The following COLQ variants were observed in gnomAD, a reference collection of about 807,000 sequenced individuals.
COLQ encodes the protein collagen like tail subunit of asymmetric acetylcholinesterase.
A neutral mutation model predicts 69.0 loss-of-function variants in COLQ; 48 were observed. That is an observed-to-expected ratio of 0.70 (90% confidence interval 0.55 to 0.88). COLQ has a LOEUF of 0.88. Among genes scored for constraint, COLQ ranks in the 40% least tolerant of loss-of-function variants. The pLI is 0.00. For missense variants in COLQ, 618 were observed against 594.6 expected, an observed-to-expected ratio of 1.04 and a Z score of -0.41; for synonymous variants, 217 against 211.2, an observed-to-expected ratio of 1.03 and a Z score of -0.24.
Position 15,489,602 on chromosome 3 carries a change from G to A in COLQ, c.142C>T (p.His48Tyr), listed in dbSNP as rs769136046. 5 of 1,614,170 alleles carry A rather than the reference G, an allele frequency of 3.1e-6. No homozygotes were observed. Among genetic ancestry groups the A allele is most frequent in the Non-Finnish European group, 4.2e-6 (5 of 1,180,018 alleles). Residue 48 changes from histidine (H) to tyrosine (Y), a missense_variant, in exon 2 of 17, where the codon CAC becomes TAC. Physicochemically the swap from His to Tyr is moderately conservative, Grantham distance 83. Transcript: ENST00000383788. ...GGCGTCAGCAGGCAGCATGCTTTGT[G>A]GCCACCACGCTTCTTCTGATCCAGG... ...PSLDQKKRGGHKACCLLTPPP... is the reference protein window; with the variant it reads ...PSLDQKKRGGYKACCLLTPPP...
At chr3:15,512,560 C>T (rs986373078) in intron 1 of COLQ, among the ~76,000 whole-genome samples, 2 of 152,198 alleles carry the variant, frequency 1.3e-5, no homozygotes, top group Non-Finnish European at 2.9e-5. Context: ...AGCTGAGTCT[C>T]TTCTTTTTTG....
intron 13 of COLQ, among the ~76,000 whole-genome samples, chr3:15,456,967 T>C (rs2062035535): frequency 2.6e-5 from 4 of 151,798 alleles, no homozygotes; most frequent in Admixed American, 2.6e-4. Flanking sequence ...GGATTACAGG[T>C]GTGCACCACA....
chr3:15,521,230 C>G (rs1462656454), intron 1 of COLQ, among the ~76,000 whole-genome samples: 1 of 152,192 alleles, frequency 6.6e-6, no homozygotes, highest in Non-Finnish European at 1.5e-5. Flanking sequence ...TCCCAAATTC[C>G]TGACCAAGAT....
At chr3:15,517,596 G>A (rs1479351842) in intron 1 of COLQ, among the ~76,000 whole-genome samples, 1 of 152,114 alleles carries the variant, frequency 6.6e-6, no homozygotes, top group African/African-American at 2.4e-5. Context: ...CCAAACCCAA[G>A]CTAGATTAGC....
Position 15,477,207 on chromosome 3 carries a change from C to A in COLQ, c.394-10G>T. On this transcript the variant is annotated splice_polypyrimidine_tract_variant and intron_variant, in intron 5 of 16. Transcript: ENST00000383788. ...GGGGGCCAGGTCTACCCTTCAAAGA[C>A]CAAGAACAAAAGTCAGGGCAACTGG... 1.9e-6 allele frequency: 3 copies of A among 1,603,486 alleles called. No individual in the cohort carries two copies. Among genetic ancestry groups the A allele is most frequent in the Non-Finnish European group, 2.6e-6 (3 of 1,175,306 alleles).
intron 5 of COLQ, chr3:15,478,744 G>GC (rs1216303672): frequency 3.3e-6 from 2 of 614,426 alleles, no homozygotes; most frequent in African/African-American, 3.7e-5. Flanking sequence ...AGGCTTGGCA[G>GC]CCCCCGGAAG....
intron 11 of COLQ, 102 bp from the exon 12 acceptor site, chr3:15,466,539 G>C (rs934745125): frequency 1.1e-6 from 1 of 946,502 alleles, no homozygotes; most frequent in African/African-American, 1.6e-5. Context: ...TAAGGAGCAA[G>C]AGCCCAGTGG....
intron 12 of COLQ, among the ~76,000 whole-genome samples, chr3:15,463,503 C>T (rs577023597): frequency 2.0e-5 from 3 of 152,106 alleles, no homozygotes; most frequent in South Asian, 2.1e-4. Context: ...CCCGCCACTA[C>T]GCCCGGCTAA....
intron 1 of COLQ, among the ~76,000 whole-genome samples, chr3:15,499,628 G>T (rs962331171): frequency 2.6e-5 from 4 of 152,216 alleles, no homozygotes; most frequent in African/African-American, 4.8e-5. Flanking sequence ...ACCTTCAAAA[G>T]AAAGGACACT....
intron 14 of COLQ, 119 bp downstream of exon 14, chr3:15,456,341 C>A: frequency 7.3e-7 from 1 of 1,378,532 alleles, no homozygotes; most frequent in South Asian, 1.3e-5. Flanking sequence ...TCAGCCCTCC[C>A]ATGCAGACAG....
chr3:15,510,815 AGAGGAAGG>A (rs1173965026), intron 1 of COLQ, among the ~76,000 whole-genome samples: 17 of 138,258 alleles, frequency 1.2e-4, no homozygotes, highest in East Asian at 8.7e-4. Context: ...AGACCAAGAG[AGAGGAAGG>A]GAGGAAGGGA....
chr3:15,518,822 G>A (rs1226590223), intron 1 of COLQ, among the ~76,000 whole-genome samples: 7 of 152,256 alleles, frequency 4.6e-5, no homozygotes, highest in Non-Finnish European at 7.4e-5. Context: ...ACTTGTCTCC[G>A]TGTCCCTTGA....
At chr3:15,467,309 A>C (rs2062214408) in intron 11 of COLQ, among the ~76,000 whole-genome samples, 3 of 152,258 alleles carry the variant, frequency 2.0e-5, no homozygotes, top group Admixed American at 1.3e-4. Flanking sequence ...TTTGTACCTC[A>C]GTTTTGTCAT....
chr3:15,497,662 T>C (rs1281259795), intron 1 of COLQ, among the ~76,000 whole-genome samples: 2 of 152,178 alleles, frequency 1.3e-5, no homozygotes, highest in African/African-American at 4.8e-5. Flanking sequence ...CCTCCTCCTC[T>C]TTTGGGGCCT....
intron 1 of COLQ, chr3:15,496,201 C>G (rs1017801527): frequency 6.5e-6 from 1 of 152,904 alleles, no homozygotes; most frequent in African/African-American, 2.4e-5. Context: ...CTGCATTGTT[C>G]GGCTCCCCCA....
intron 3 of COLQ, among the ~76,000 whole-genome samples, chr3:15,487,861 A>G (rs952516971): frequency 1.3e-5 from 2 of 152,142 alleles, no homozygotes; most frequent in African/African-American, 4.8e-5. Flanking sequence ...AGGAGGGGTC[A>G]ATGGTTACAT....
At chr3:15,478,693 T>C (rs2062422605) in intron 5 of COLQ, 1 of 556,388 alleles carries the variant, frequency 1.8e-6, no homozygotes, top group South Asian at 2.1e-5. Context: ...AGTGAGATGG[T>C]CTGGGGTTGG....
rs80119572 is a variant in COLQ, at chr3:15,496,486, T to C, written c.107-6849A>G. ...GGGTCTTTCTCATGGACTGTCTCTA[T>C]AGAATTGTGTCTGAGCTCAGGCTCC... On this transcript the variant is annotated intron_variant, in intron 1 of 16. Coordinates refer to ENST00000383788, the MANE Select transcript of COLQ (RefSeq NM_005677.4). Among the ~76,000 whole-genome samples, 28 of 152,306 alleles carry C rather than the reference T, an allele frequency of 1.8e-4. No homozygotes were observed. In the East Asian group the frequency reaches 4.0e-3, roughly 22 times the overall value.
At chr3:15,498,271 C>T (rs536359724) in intron 1 of COLQ, among the ~76,000 whole-genome samples, 2 of 152,258 alleles carry the variant, frequency 1.3e-5, no homozygotes, top group Non-Finnish European at 2.9e-5. Context: ...TATGCCAGGT[C>T]CCCACCAACT....
Sources: allele counts gnomAD v4.1 joint callset (sites outside exome capture counted in the v4.1 genomes callset), GRCh38; gene constraint gnomAD v4.1.1; transcripts MANE v1.5; gene names NCBI Gene and HGNC (gene_info 2026-07-23, HGNC 2026-07-21).